Variants in PPP1CB observed in about 807,000 individuals in gnomAD.
The protein encoded by PPP1CB is protein phosphatase 1 catalytic subunit beta.
In PPP1CB, 2 loss-of-function variants were observed where a neutral mutation model predicts 43.7. That is an observed-to-expected ratio of 0.05 (90% CI 0.02 to 0.14). The LOEUF (loss-of-function observed/expected upper bound fraction) is 0.14. PPP1CB is among the 10% of genes least tolerant of loss of function. The pLI is 1.00. For missense variants in PPP1CB, 84 were observed against 398.0 expected (o/e 0.21, Z 6.71); for synonymous variants, 136 against 135.6 (o/e 1.00, Z -0.02).
chr2:28,759,306 A>G (rs1407606466), intron 1 of PPP1CB, among the ~76,000 whole-genome samples: 1 of 152,140 alleles, frequency 6.6e-6, no homozygotes, highest in Non-Finnish European at 1.5e-5. Flanking sequence ...ACTTGAGGTC[A>G]GGAGTTCGAG....
At chr2:28,798,667 GGTTAGA>G (rs1667544881) in intron 7 of PPP1CB, among the ~76,000 whole-genome samples, 1 of 152,002 alleles carries the variant, frequency 6.6e-6, no homozygotes. Flanking sequence ...ATTAGTAGTT[GGTTAGA>G]GTTAGAGGAT....
intron 2 of PPP1CB, among the ~76,000 whole-genome samples, chr2:28,778,062 C>G (rs886106627): frequency 2.6e-5 from 4 of 152,128 alleles, no homozygotes; most frequent in African/African-American, 9.7e-5. Context: ...TAAACTTAAG[C>G]AAATGTAGTT....
chr2:28,761,330 T>C (rs973744172), intron 1 of PPP1CB, among the ~76,000 whole-genome samples: 1 of 152,216 alleles, frequency 6.6e-6, no homozygotes, highest in Non-Finnish European at 1.5e-5. Flanking sequence ...TGAATGATAA[T>C]CAGATGTTTA....
rs1667591439 is a variant in PPP1CB, at chr2:28,800,474, A to T, written c.*1171A>T. On this transcript the variant is annotated 3_prime_UTR_variant, in exon 8 of 8. Transcript: ENST00000395366. ...AAGGCTTATGTCACTAAAGATTTTT[A>T]TTCTGATTTTTTCATAATCAAAGGT... 1 of 152,356 alleles carries T rather than the reference A, an allele frequency of 6.6e-6. No individual in the cohort carries two copies. Among genetic ancestry groups the T allele is most frequent in the African/African-American group, 2.4e-5 (1 of 41,414 alleles). The allele number at this position is 152,356 out of a possible 1,614,324, so 9.4% of individuals were successfully genotyped here.
At chr2:28,760,405 T>TA (rs1295195573) in intron 1 of PPP1CB, among the ~76,000 whole-genome samples, 1 of 152,246 alleles carries the variant, frequency 6.6e-6, no homozygotes, top group Non-Finnish European at 1.5e-5. Context: ...TGTGTTTAGA[T>TA]ATGTTTAGAT....
intron 1 of PPP1CB, among the ~76,000 whole-genome samples, chr2:28,762,802 T>A (rs1666686532): frequency 1.3e-5 from 2 of 152,230 alleles, no homozygotes; most frequent in Admixed American, 1.3e-4. Flanking sequence ...TGAAACAGCT[T>A]ATTATCTAAT....
intron 1 of PPP1CB, among the ~76,000 whole-genome samples, chr2:28,770,118 A>C (rs1666871796): frequency 6.6e-6 from 1 of 151,848 alleles, no homozygotes; most frequent in Admixed American, 6.6e-5. Context: ...AAAATACAAA[A>C]ATTGGCTGGG....
chr2:28,765,168 TA>T (rs1558299242), intron 1 of PPP1CB, among the ~76,000 whole-genome samples: 4 of 152,120 alleles, frequency 2.6e-5, no homozygotes, highest in Non-Finnish European at 4.4e-5. Flanking sequence ...AAATGTGAAA[TA>T]TAATGGTTGA....
At chr2:28,775,211 G>T (rs10204329) in intron 1 of PPP1CB, among the ~76,000 whole-genome samples, 1 of 151,848 alleles carries the variant, frequency 6.6e-6, no homozygotes, top group Non-Finnish European at 1.5e-5. Flanking sequence ...TCAAGTGAAC[G>T]TTCCACCTCA....
chr2:28,798,300 A>G (rs1235962463), intron 7 of PPP1CB, among the ~76,000 whole-genome samples: 1 of 152,126 alleles, frequency 6.6e-6, no homozygotes, highest in East Asian at 1.9e-4. Flanking sequence ...ATCTTCATAC[A>G]TTAATGGTGG....
chr2:28,774,860 A>G (rs1044255332), intron 1 of PPP1CB, among the ~76,000 whole-genome samples: 7 of 152,234 alleles, frequency 4.6e-5, no homozygotes, highest in African/African-American at 1.4e-4. Flanking sequence ...ATGAAGCTAT[A>G]TCAGTTCCCA....
chr2:28,759,264 C>A (rs1329939156), intron 1 of PPP1CB, among the ~76,000 whole-genome samples: 1 of 152,080 alleles, frequency 6.6e-6, no homozygotes, highest in Non-Finnish European at 1.5e-5. Flanking sequence ...GCCTGTAGTC[C>A]CAGCACTTTG....
chr2:28,798,827 G>A (rs954395976), intron 7 of PPP1CB, among the ~76,000 whole-genome samples: 2 of 152,008 alleles, frequency 1.3e-5, no homozygotes, highest in African/African-American at 4.8e-5. Flanking sequence ...AAGGTCTGAA[G>A]GGTTTGTGAC....
intron 6 of PPP1CB, among the ~76,000 whole-genome samples, chr2:28,791,171 C>G (rs1204187269): frequency 6.6e-6 from 1 of 152,090 alleles, no homozygotes; most frequent in African/African-American, 2.4e-5. Flanking sequence ...CTACTGCTGC[C>G]TCTTTCTTTG....
At chr2:28,786,635 T>C (rs1309788645) in intron 5 of PPP1CB, among the ~76,000 whole-genome samples, 8 of 151,662 alleles carry the variant, frequency 5.3e-5, no homozygotes, top group Admixed American at 1.3e-4. Context: ...ATTCGCTGGG[T>C]GTGGCAGTGG....
At chr2:28,777,014 T>C (rs745983129) in intron 2 of PPP1CB, 32 bp downstream of exon 2, 2 of 1,595,282 alleles carry the variant, frequency 1.3e-6, no homozygotes, top group South Asian at 1.1e-5. Context: ...GAAACAACTC[T>C]TTTGAATCAT....
rs1667585431 is a variant in PPP1CB, at chr2:28,800,235, T to TC, written c.*932_*933insC. ...TTTTTCTTTTTTCTTTCTTTTTTTT[T>TC]TTTTTTTTTTTTTTGAGTTGTTGTT... On this transcript the variant is annotated 3_prime_UTR_variant, in exon 8 of 8. Coordinates refer to ENST00000395366, the MANE Select transcript of PPP1CB (RefSeq NM_002709.3). 9 of 144,678 alleles carry TC rather than the reference T, an allele frequency of 6.2e-5. No homozygotes were observed. The South Asian group carries it at 2.0e-3, about 32-fold the overall frequency. The allele number at this position is 144,678 out of a possible 1,614,324, so 9.0% of individuals were successfully genotyped here. A position where few individuals can be genotyped will look rare whatever the true frequency, so the allele number is the denominator to read the frequency against.
At chr2:28,754,626 A>G (rs1666440026) in intron 1 of PPP1CB, among the ~76,000 whole-genome samples, 1 of 152,186 alleles carries the variant, frequency 6.6e-6, no homozygotes, top group African/African-American at 2.4e-5. Context: ...TAGGTTTTTC[A>G]GCTCCTTCCC....
intron 3 of PPP1CB, among the ~76,000 whole-genome samples, chr2:28,780,084 C>CTTTTTTTTTTTTTTT (rs10559224): frequency 3.3e-4 from 43 of 131,798 alleles, no homozygotes; most frequent in East Asian, 1.0e-3. Flanking sequence ...TCTTTTCTTT[C>CTTTTTTTTTTTTTTT]TTTTTTTTTT....
Sources: allele counts gnomAD v4.1 joint callset (sites outside exome capture counted in the v4.1 genomes callset), GRCh38; gene constraint gnomAD v4.1.1; transcripts MANE v1.5; gene names NCBI Gene and HGNC (gene_info 2026-07-23, HGNC 2026-07-21).